Variants in CHL1 observed in about 807,000 individuals in gnomAD.
The protein encoded by CHL1 is cell adhesion molecule L1 like.
A neutral mutation model predicts 141.9 loss-of-function variants in CHL1; 96 were observed. That is an observed-to-expected ratio of 0.68 (90% CI 0.57 to 0.80). The LOEUF (loss-of-function observed/expected upper bound fraction) is 0.80. CHL1 is among the 30% of genes least tolerant of loss of function. The pLI, the probability that CHL1 is intolerant of heterozygous loss-of-function variation, is 0.00. For synonymous variants in CHL1, 613 were observed against 502.2 expected (o/e 1.22, Z -2.95); for missense variants, 1,820 against 1,457.2 (o/e 1.25, Z -4.05).
intron 2 of CHL1, among the ~76,000 whole-genome samples, chr3:246,193 A>G (rs76660477): frequency 6.6e-6 from 1 of 152,036 alleles, no homozygotes; most frequent in Non-Finnish European, 1.5e-5. Flanking sequence ...TACCCAGGGT[A>G]TTAAATTTTA....
intron 10 of CHL1, among the ~76,000 whole-genome samples, chr3:350,064 A>G (rs1703113348): frequency 6.6e-6 from 1 of 152,168 alleles, no homozygotes; most frequent in African/African-American, 2.4e-5. Context: ...TGTAATCCAT[A>G]TCTTGGGTTC....
At chr3:365,912 G>A (rs1378306650) in intron 14 of CHL1, 38 bp from the exon 15 acceptor site, 18 of 1,556,436 alleles carry the variant, frequency 1.2e-5, no homozygotes, top group Middle Eastern at 1.7e-4. Flanking sequence ...AGTAAGTTAC[G>A]CTTAGTTCTA....
rs777576093 is a variant in CHL1, at chr3:408,715, A to C, written c.*3004A>C. On this transcript the variant is annotated 3_prime_UTR_variant, in exon 28 of 28. Transcript: ENST00000256509. ...GTTTAGTGAGCAGTATGATTTGTAC[A>C]TGCCATTGAAAATTATTAATCAGAA... is the stretch of plus-strand genomic sequence containing the variant. 1 of 152,118 alleles carries C rather than the reference A, an allele frequency of 6.6e-6. No individual in the cohort carries two copies. The highest frequency in any genetic ancestry group is 1.5e-5 in the Non-Finnish European group (1 of 68,008). The allele number at this position is 152,118 out of a possible 1,614,324, so 9.4% of individuals were successfully genotyped here. A position where few individuals can be genotyped will look rare whatever the true frequency, so the allele number is the denominator to read the frequency against.
Position 239,325 on chromosome 3 carries a change from A to G in CHL1, c.-174-5288A>G, listed in dbSNP as rs142978488. Among the ~76,000 whole-genome samples the G allele has an allele frequency of 1.5e-3, 230 of 152,272 alleles. 1 individual carries two copies. The highest frequency in any genetic ancestry group is 5.1e-3 in the African/African-American group (211 of 41,572). On this transcript the variant is annotated intron_variant, in intron 1 of 27. Transcript: ENST00000256509. ...TTATCCCTTATTTACCAATGAGACA[A>G]CTAGAGTTCTAAAAGGCTACTTGAT...
chr3:309,445 TTTTCTCTTTC>T (rs1289154255), intron 2 of CHL1: 1 of 148,186 alleles, frequency 6.7e-6, no homozygotes, highest in African/African-American at 2.6e-5. Flanking sequence ...TCTTTCTTTC[TTTTCTCTTTC>T]TTTCTTTCTT....
chr3:294,344 T>C (rs2124834868), intron 2 of CHL1, among the ~76,000 whole-genome samples: 1 of 152,240 alleles, frequency 6.6e-6, no homozygotes, highest in African/African-American at 2.4e-5. Flanking sequence ...CGTACATACC[T>C]ACATACGTAC....
chr3:342,157 C>A, intron 7 of CHL1, 75 bp downstream of exon 7: 1 of 1,348,790 alleles, frequency 7.4e-7, no homozygotes, highest in South Asian at 1.4e-5. Flanking sequence ...CTGGCTGAAG[C>A]CATTTAAAGC....
chr3:265,661 A>T (rs1229999643), intron 2 of CHL1, among the ~76,000 whole-genome samples: 2 of 152,182 alleles, frequency 1.3e-5, no homozygotes, highest in African/African-American at 2.4e-5. Context: ...CCTCATATTC[A>T]TTCAAAACCT....
chr3:393,051 G>A (rs1392041336), intron 23 of CHL1, among the ~76,000 whole-genome samples: 1 of 152,020 alleles, frequency 6.6e-6, no homozygotes, highest in Admixed American at 6.6e-5. Flanking sequence ...GGCTAACACG[G>A]TGAAACCCCG....
At chr3:317,625 C>T (rs1008647791) in intron 2 of CHL1, among the ~76,000 whole-genome samples, 1 of 148,104 alleles carries the variant, frequency 6.8e-6, no homozygotes, top group Non-Finnish European at 1.5e-5. Context: ...TAAACAATGA[C>T]TTTAGATGAC....
intron 24 of CHL1, 119 bp downstream of exon 24, chr3:394,991 TC>T: frequency 1.2e-6 from 1 of 830,854 alleles, no homozygotes; most frequent in South Asian, 2.2e-5. Context: ...ATGATTGTGA[TC>T]CCACTCTGTC....
At chr3:322,642 T>TAA (rs1194400069) in intron 3 of CHL1, among the ~76,000 whole-genome samples, 3 of 86,136 alleles carry the variant, frequency 3.5e-5, no homozygotes, top group African/African-American at 7.7e-5. Flanking sequence ...TATATATATA[T>TAA]AAAATATATA....
intron 1 of CHL1, among the ~76,000 whole-genome samples, chr3:223,395 T>C (rs1701035506): frequency 6.6e-6 from 1 of 152,234 alleles, no homozygotes; most frequent in Non-Finnish European, 1.5e-5. Flanking sequence ...GACTATACCA[T>C]CTTTTATTCT....
intron 8 of CHL1, among the ~76,000 whole-genome samples, chr3:343,480 A>G (rs1702505671): frequency 6.6e-6 from 1 of 152,112 alleles, no homozygotes; most frequent in Admixed American, 6.6e-5. Context: ...TGGCTTTCTG[A>G]GAAAAAAACA....
intron 2 of CHL1, among the ~76,000 whole-genome samples, chr3:294,889 T>A (rs1263490837): frequency 6.6e-6 from 1 of 152,252 alleles, no homozygotes. Context: ...CTTTTATTCA[T>A]TTAACAAATA....
intron 11 of CHL1, 116 bp from the exon 12 acceptor site, chr3:360,165 CTAT>C: frequency 9.3e-7 from 1 of 1,072,732 alleles, no homozygotes; most frequent in African/African-American, 1.6e-5. Flanking sequence ...CTTCAATGAA[CTAT>C]TAGTCACCCT....
At chr3:295,920 C>T (rs1289251818) in intron 2 of CHL1, among the ~76,000 whole-genome samples, 1 of 152,114 alleles carries the variant, frequency 6.6e-6, no homozygotes, top group Non-Finnish European at 1.5e-5. Flanking sequence ...AAGTCTAAGT[C>T]TCTCATTTTG....
At chr3:382,793 A>G in intron 18 of CHL1, 122 bp downstream of exon 18, 1 of 845,986 alleles carries the variant, frequency 1.2e-6, no homozygotes, top group Non-Finnish European at 1.9e-6. Context: ...TAGTGTTAAC[A>G]GTTCTCTAAA....
At chr3:241,891 C>T (rs1330104439) in intron 1 of CHL1, among the ~76,000 whole-genome samples, 1 of 151,802 alleles carries the variant, frequency 6.6e-6, no homozygotes, top group Non-Finnish European at 1.5e-5. Flanking sequence ...ACGTTAGTAT[C>T]TATGTCAATG....
Sources: allele counts gnomAD v4.1 joint callset (sites outside exome capture counted in the v4.1 genomes callset), GRCh38; gene constraint gnomAD v4.1.1; transcripts MANE v1.5; gene names NCBI Gene and HGNC (gene_info 2026-07-23, HGNC 2026-07-21).